The following PCDHGB3 variants were observed in gnomAD, a reference collection of about 807,000 sequenced individuals.
PCDHGB3 encodes the protein protocadherin gamma-B3.
A neutral mutation model predicts 59.2 loss-of-function variants in PCDHGB3; 40 were observed. The ratio of observed to expected loss-of-function variants is 0.68; its 90% CI spans 0.52 to 0.88. The LOEUF is 0.88. Among genes scored for constraint, PCDHGB3 ranks in the 40% least tolerant of loss-of-function variants. The probability of loss-of-function intolerance (pLI) is 0.00; values close to 1 mark genes in which losing one functional copy is unlikely to be tolerated. For missense variants in PCDHGB3, 1,309 were observed against 1,187.9 expected (o/e 1.10, Z -1.50); for synonymous variants, 581 against 503.6 (o/e 1.15, Z -2.06).
intron 1 of PCDHGB3, chr5:141,414,410 G>A (rs1216701146): frequency 1.2e-6 from 2 of 1,613,856 alleles, no homozygotes; most frequent in Non-Finnish European, 1.7e-6. Context: ...GTGATACACA[G>A]AGCCCTTGAC....
Position 141,423,580 on chromosome 5 carries a change from A to C in PCDHGB3, c.2415+50771A>C, listed in dbSNP as rs368022774. 46 of 1,613,286 alleles carry C rather than the reference A, an allele frequency of 2.9e-5. No individual in the cohort carries two copies. In the African/African-American group the frequency reaches 5.6e-4, roughly 20 times the overall value. On this transcript the variant is annotated intron_variant, in intron 1 of 3. Coordinates refer to ENST00000576222, the MANE Select transcript of PCDHGB3 (RefSeq NM_018924.5). ...TGGGGACACGCTCATCAGCCAGGAGAGCTGTGAGAAAAGCGAGCCACTCTT... is the reference window on the plus strand; with the variant it reads ...TGGGGACACGCTCATCAGCCAGGAGCGCTGTGAGAAAAGCGAGCCACTCTT...
At position 141,476,193 on chromosome 5, in the gene PCDHGB3, T is replaced by C. The variant is rs1224461188; in HGVS notation, c.2416-18614T>C. On this transcript the variant is annotated intron_variant, in intron 1 of 3. Coordinates refer to ENST00000576222, the MANE Select transcript of PCDHGB3 (RefSeq NM_018924.5). The surrounding 1 kb of genome is among the most constrained non-coding windows in gnomAD (Gnocchi z 7.6). The stretch of plus-strand genomic sequence containing the variant: ...GGAGTTTTGCTTCTGCTTGGTGCCT[T>C]GAACAAGGCTTCCACGGTCATTCAC... The C allele has an allele frequency of 6.2e-7, 1 of 1,613,812 alleles. No homozygotes were observed. Among genetic ancestry groups the C allele is most frequent in the South Asian group, 1.1e-5 (1 of 91,068 alleles).
rs1354607645 is a variant in PCDHGB3, at chr5:141,433,848, A to C, written c.2416-60959A>C. Among the ~76,000 whole-genome samples, 4 of 152,082 alleles carry C rather than the reference A, an allele frequency of 2.6e-5. No individual in the cohort carries two copies. In the East Asian group the frequency reaches 5.8e-4, roughly 22 times the overall value. ...GTGAAACTCTATCTCAAAAAAAAAA[A>C]AAAAAAACTTTATCCTCTAGTTTCA... On this transcript the variant is annotated intron_variant, in intron 1 of 3. Coordinates refer to ENST00000576222, the MANE Select transcript of PCDHGB3 (RefSeq NM_018924.5).
chr5:141,427,705 C>T (rs2097059995), intron 1 of PCDHGB3: 1 of 983,052 alleles, frequency 1.0e-6, no homozygotes, highest in African/African-American at 1.6e-5. Flanking sequence ...CAAGTCAGCG[C>T]CTCTGACCTG....
intron 1 of PCDHGB3, among the ~76,000 whole-genome samples, chr5:141,471,039 A>G (rs1175460270): frequency 7.2e-6 from 1 of 137,964 alleles, no homozygotes; most frequent in Non-Finnish European, 1.5e-5. Context: ...TAACAAGCCC[A>G]AGCCCTCTTT....
At chr5:141,382,998 C>G in intron 1 of PCDHGB3, 2 of 1,613,740 alleles carry the variant, frequency 1.2e-6, no homozygotes, top group Non-Finnish European at 1.7e-6. Context: ...GTATTCTCTA[C>G]TCCGTGTCGG....
chr5:141,427,985 C>A (rs747784722), intron 1 of PCDHGB3: 23 of 1,597,524 alleles, frequency 1.4e-5, no homozygotes, highest in Non-Finnish European at 1.9e-5. Context: ...CGCTGGGGCC[C>A]GATGGCTCCG....
intron 1 of PCDHGB3, among the ~76,000 whole-genome samples, chr5:141,443,505 A>G (rs553893860): frequency 4.4e-4 from 67 of 152,222 alleles, no homozygotes; most frequent in African/African-American, 1.4e-3. Context: ...AAACAAATAA[A>G]GAGCTTCTCT....
chr5:141,486,725 C>A lies in PCDHGB3; in HGVS notation c.2416-8082C>A. 1 of 1,614,182 alleles carries A rather than the reference C, an allele frequency of 6.2e-7. No individual in the cohort carries two copies. The highest frequency in any genetic ancestry group is 1.1e-5 in the South Asian group (1 of 91,076). On this transcript the variant is annotated intron_variant, in intron 1 of 3. Transcript: ENST00000576222. The surrounding 1 kb of genome is among the most constrained non-coding windows in gnomAD (Gnocchi z 5.0). ...TCTGAACCCCCAGACAGGAGCTGTT[C>A]ATGCTACTCGATCCTTTGACTATGA...
intron 1 of PCDHGB3, among the ~76,000 whole-genome samples, chr5:141,456,918 G>A (rs535602842): frequency 6.6e-6 from 1 of 152,006 alleles, no homozygotes; most frequent in African/African-American, 2.4e-5. Context: ...AGCCGAGATC[G>A]CACCACTGCA....
chr5:141,497,892 C>T (rs2099780275), intron 2 of PCDHGB3, among the ~76,000 whole-genome samples: 1 of 152,138 alleles, frequency 6.6e-6, no homozygotes, highest in Admixed American at 6.6e-5. Flanking sequence ...AGGATCTAGT[C>T]CAGTAACTTC....
intron 1 of PCDHGB3, among the ~76,000 whole-genome samples, chr5:141,484,084 T>A (rs1030166144): frequency 3.3e-5 from 5 of 152,174 alleles, no homozygotes; most frequent in African/African-American, 4.8e-5. Flanking sequence ...TCTTTTGAAA[T>A]GGTCTTCGTT....
At chr5:141,408,775 C>T (rs780901987) in intron 1 of PCDHGB3, 7 of 1,611,568 alleles carry the variant, frequency 4.3e-6, no homozygotes, top group Non-Finnish European at 5.9e-6. Context: ...GTGGCAAATA[C>T]CCAGAGTTAT....
Position 141,504,710 on chromosome 5 carries a change from G to A in PCDHGB3, c.2475-683G>A, listed in dbSNP as rs528205869. The stretch of plus-strand genomic sequence containing the variant: ...AGGAGGGGCAGGTTCTTCTATGGCC[G>A]TGGATTTTACTCTGAGGGCTTAGGA... On this transcript the variant is annotated intron_variant, in intron 2 of 3. Transcript: ENST00000576222. Among the ~76,000 whole-genome samples the A allele has an allele frequency of 1.4e-4, 21 of 151,968 alleles. No homozygotes were observed. The East Asian group carries it at 3.7e-3, about 27-fold the overall frequency.
Position 141,432,211 on chromosome 5 carries a change from C to A in PCDHGB3, c.2415+59402C>A, listed in dbSNP as rs1390215329. On this transcript the variant is annotated intron_variant, in intron 1 of 3. Coordinates refer to ENST00000576222, the MANE Select transcript of PCDHGB3 (RefSeq NM_018924.5). The surrounding 1 kb of genome is among the most constrained non-coding windows in gnomAD (Gnocchi z 6.0). The stretch of plus-strand genomic sequence containing the variant: ...CCCACGACCCCGACTGTGAAGAGAA[C>A]GCCCAGATCACTTATTCCCTGGCTG... 1 of 1,614,232 alleles carries A rather than the reference C, an allele frequency of 6.2e-7. No individual in the cohort carries two copies. Among genetic ancestry groups the A allele is most frequent in the Admixed American group, 1.7e-5 (1 of 60,032 alleles).
intron 1 of PCDHGB3, chr5:141,389,555 G>A (rs755878042): frequency 1.2e-5 from 20 of 1,613,076 alleles, no homozygotes; most frequent in East Asian, 6.7e-5. Flanking sequence ...ACGACAATGC[G>A]CCACGGGTGC....
chr5:141,496,126 C>T (rs934132550), intron 2 of PCDHGB3, among the ~76,000 whole-genome samples: 2 of 152,062 alleles, frequency 1.3e-5, no homozygotes, highest in African/African-American at 4.8e-5. Context: ...CCCTGCCCCT[C>T]ACACACTGAG....
At position 141,486,813 on chromosome 5, in the gene PCDHGB3, G is replaced by A; in HGVS notation, c.2416-7994G>A. On this transcript the variant is annotated intron_variant, in intron 1 of 3. Transcript: ENST00000576222. The surrounding 1 kb of genome is among the most constrained non-coding windows in gnomAD (Gnocchi z 5.0). ...GATCGGGGCAACCCACCCCTTAGCA[G>A]CACTGTAACAGTTCGTCTATTTGTG... The A allele has an allele frequency of 6.2e-7, 1 of 1,614,212 alleles. No individual in the cohort carries two copies.
chr5:141,483,436 C>T, intron 1 of PCDHGB3, among the ~76,000 whole-genome samples: 1 of 152,198 alleles, frequency 6.6e-6, no homozygotes, highest in Non-Finnish European at 1.5e-5. Context: ...GAGCTGACTA[C>T]AATAAAATCA....
Sources: allele counts gnomAD v4.1 joint callset (sites outside exome capture counted in the v4.1 genomes callset), GRCh38; gene constraint gnomAD v4.1.1; non-coding constraint Gnocchi (gnomAD v3.1); transcripts MANE v1.5; gene names NCBI Gene and HGNC (gene_info 2026-07-23, HGNC 2026-07-21).